OR2C1: variants seen among roughly 807,000 people sequenced by gnomAD.
OR2C1 encodes the protein olfactory receptor family 2 subfamily C member 1, also known as olfactory receptor 2C1.
For missense variants in OR2C1, 468 were observed against 388.3 expected (o/e 1.21, Z -1.73); for synonymous variants, 209 against 167.3 (o/e 1.25, Z -1.92).
the OR2C1 span, among the ~76,000 whole-genome samples, chr16:3,345,848 C>CTCCA: frequency 6.8e-6 from 1 of 147,110 alleles, no homozygotes; most frequent in African/African-American, 2.5e-5. Context: ...TCCTTCCTCC[C>CTCCA]TCCCTCCCTC....
the OR2C1 span, among the ~76,000 whole-genome samples, chr16:3,332,267 T>C: frequency 6.6e-6 from 1 of 150,376 alleles, no homozygotes; most frequent in Non-Finnish European, 1.5e-5. Context: ...AAAATAAAAA[T>C]TTTTTTTTTG....
the OR2C1 span, among the ~76,000 whole-genome samples, chr16:3,324,679 C>G: frequency 1.3e-5 from 2 of 152,038 alleles, no homozygotes; most frequent in Non-Finnish European, 2.9e-5. Context: ...CCTCGAACTC[C>G]TGGACTCAAG....
chr16:3,354,752 A>T (rs902750835), upstream of OR2C1, among the ~76,000 whole-genome samples: 2 of 152,148 alleles, frequency 1.3e-5, no homozygotes, highest in Admixed American at 1.3e-4. Flanking sequence ...AGCGTATCAG[A>T]ATCTTGGCTG....
upstream of OR2C1, among the ~76,000 whole-genome samples, chr16:3,355,013 G>A (rs962761292): frequency 6.6e-6 from 1 of 152,098 alleles, no homozygotes; most frequent in East Asian, 1.9e-4. Flanking sequence ...CATAGCCATT[G>A]TTCTGAACTG....
At chr16:3,326,663 A>G in the OR2C1 span, among the ~76,000 whole-genome samples, 1 of 152,228 alleles carries the variant, frequency 6.6e-6, no homozygotes, top group African/African-American at 2.4e-5. Context: ...CCTCAGTAAG[A>G]GAAAGATTCT....
At chr16:3,355,353 G>C (rs2030644055), upstream of OR2C1, among the ~76,000 whole-genome samples, 1 of 149,170 alleles carries the variant, frequency 6.7e-6, no homozygotes, top group South Asian at 2.1e-4. Flanking sequence ...AGCTACTCGT[G>C]AGGCTGAGGC....
rs2030666361 is a variant in OR2C1, at chr16:3,356,171, A to T, written c.231A>T (p.Ser77=). 6.2e-7 allele frequency: 1 copy of T among 1,614,186 alleles called. No individual in the cohort carries two copies. The change falls in exon 1 of 1, where the codon TCA becomes TCT. Residue 77 remains serine (S), a synonymous_variant. Coordinates refer to ENST00000304936, the MANE Select transcript of OR2C1 (RefSeq NM_012368.3). Reference sequence around the variant, plus strand: ...TGGACCTTGCTTTCGCTACTAGTTCAGTCCCCCAAATGCTGATCAATTTAT... The same window carrying T: ...TGGACCTTGCTTTCGCTACTAGTTCTGTCCCCCAAATGCTGATCAATTTAT... ...SSLDLAFATS[S]VPQMLINLWG... is the part of the protein sequence containing the mutation.
At chr16:3,328,041 T>C in the OR2C1 span, among the ~76,000 whole-genome samples, 2 of 152,190 alleles carry the variant, frequency 1.3e-5, no homozygotes, top group African/African-American at 4.8e-5. Flanking sequence ...TCTTCCTCAT[T>C]TGTTATCATG....
the OR2C1 span, among the ~76,000 whole-genome samples, chr16:3,337,716 C>T: frequency 1.3e-5 from 2 of 152,084 alleles, no homozygotes; most frequent in South Asian, 4.1e-4. Context: ...GGTCAGAGAG[C>T]TCACATATTG....
upstream of OR2C1, among the ~76,000 whole-genome samples, chr16:3,352,396 C>T (rs996502360): frequency 6.6e-6 from 1 of 151,896 alleles, no homozygotes; most frequent in Non-Finnish European, 1.5e-5. Context: ...ATTACAGGCG[C>T]GAGCCACCAT....
chr16:3,337,240 C>T, the OR2C1 span, among the ~76,000 whole-genome samples: 1 of 151,800 alleles, frequency 6.6e-6, no homozygotes, highest in Non-Finnish European at 1.5e-5. Context: ...CTGCAACCTG[C>T]ACCTCCTGGG....
chr16:3,335,576 G>A, the OR2C1 span, among the ~76,000 whole-genome samples: 2 of 138,266 alleles, frequency 1.4e-5, no homozygotes, highest in Non-Finnish European at 1.5e-5. Context: ...GCCCAGGCTG[G>A]AGTGCAGTAG....
At chr16:3,352,906 T>C (rs946846005), upstream of OR2C1, among the ~76,000 whole-genome samples, 1 of 149,426 alleles carries the variant, frequency 6.7e-6, no homozygotes, top group Non-Finnish European at 1.5e-5. Context: ...CACGCCCGGA[T>C]AATTTTTTTT....
the OR2C1 span, chr16:3,323,274 G>A: frequency 7.1e-6 from 6 of 844,966 alleles, no homozygotes; most frequent in East Asian, 7.3e-5. Context: ...TGTATTTTTG[G>A]TAGCATGATG....
the OR2C1 span, among the ~76,000 whole-genome samples, chr16:3,350,408 G>GTT: frequency 1.4e-5 from 2 of 144,802 alleles, no homozygotes; most frequent in African/African-American, 5.1e-5. Context: ...TTGTTTTTTT[G>GTT]TTTTTTTTGT....
At chr16:3,344,262 A>G in the OR2C1 span, among the ~76,000 whole-genome samples, 1 of 152,110 alleles carries the variant, frequency 6.6e-6, no homozygotes, top group South Asian at 2.1e-4. Context: ...AATAAACAAG[A>G]AAAACAGAAA....
the OR2C1 span, among the ~76,000 whole-genome samples, chr16:3,337,770 G>C: frequency 3.3e-5 from 5 of 152,066 alleles, no homozygotes; most frequent in African/African-American, 1.2e-4. Flanking sequence ...TTGTTCATTC[G>C]TGAAGGTCAG....
upstream of OR2C1, chr16:3,355,747 A>C: frequency 1.7e-6 from 1 of 584,298 alleles, no homozygotes. Context: ...GTGCCACTGC[A>C]CTCCAACCTG....
At chr16:3,333,064 A>T in the OR2C1 span, among the ~76,000 whole-genome samples, 9,264 of 152,108 alleles carry the variant, frequency 0.061, 466 homozygotes, top group East Asian at 0.31. Flanking sequence ...TTTTAAATTA[A>T]AGCCATTTTT....
Sources: gnomAD v4.1 joint callset for allele counts (sites outside exome capture counted in the v4.1 genomes callset) on GRCh38, gnomAD v4.1.1 for gene constraint, MANE v1.5 for transcripts, NCBI Gene and HGNC (gene_info 2026-07-23, HGNC 2026-07-21) for gene names.